Variants in SRFBP1 observed in about 807,000 individuals in gnomAD.
SRFBP1 encodes the protein serum response factor binding protein 1.
A neutral mutation model predicts 45.5 loss-of-function variants in SRFBP1; 47 were observed. That is an observed-to-expected ratio of 1.03 (90% confidence interval 0.82 to 1.32). The LOEUF (loss-of-function observed/expected upper bound fraction) is 1.32, where lower values mean the gene tolerates loss of function less well. Among genes scored for constraint, SRFBP1 ranks in the 40% most tolerant of loss-of-function variants. The pLI is 0.00. For missense variants in SRFBP1, 621 were observed against 484.6 expected (o/e 1.28, Z -2.64); for synonymous variants, 203 against 166.3 (o/e 1.22, Z -1.70).
chr5:121,974,208 A>G lies in SRFBP1; in HGVS notation c.49A>G (p.Arg17Gly). The G allele has an allele frequency of 6.2e-7, 1 of 1,610,726 alleles. No individual in the cohort carries two copies. The highest frequency in any genetic ancestry group is 1.1e-5 in the South Asian group (1 of 90,910). ...LNLNNEVVKM[R>G]KEVKRIRVLV... The stretch of plus-strand genomic sequence containing the variant: ...TTATTCTTCAAAGGTTGTGAAGATG[A>G]GAAAAGAAGTGAAGAGAATTCGAGT... The change falls in exon 2 of 8, where the codon AGA becomes GGA. Residue 17 changes from arginine (R) to glycine (G), a missense_variant. Transcript: ENST00000339397.
intron 4 of SRFBP1, among the ~76,000 whole-genome samples, chr5:122,001,812 C>T (rs1260549618): frequency 6.6e-6 from 1 of 151,974 alleles, no homozygotes; most frequent in Non-Finnish European, 1.5e-5. Flanking sequence ...CCACCCGCCT[C>T]GGCCTCCCAA....
chr5:122,057,693 T>G (rs1754107754), intron 2 of SRFBP1, among the ~76,000 whole-genome samples: 1 of 152,042 alleles, frequency 6.6e-6, no homozygotes, highest in African/African-American at 2.4e-5. Flanking sequence ...TGTTCATTAA[T>G]GGCTGCTAAA....
At chr5:122,071,289 C>T (rs1754444917) in intron 2 of SRFBP1, among the ~76,000 whole-genome samples, 1 of 152,004 alleles carries the variant, frequency 6.6e-6, no homozygotes, top group Non-Finnish European at 1.5e-5. Flanking sequence ...AAAACTAAGG[C>T]ACACTAAGAT....
intron 7 of SRFBP1, among the ~76,000 whole-genome samples, chr5:122,024,398 T>G (rs1339661488): frequency 6.6e-6 from 1 of 152,224 alleles, no homozygotes; most frequent in Admixed American, 6.5e-5. Flanking sequence ...AATTTTAGTA[T>G]TATTCATAGT....
intron 2 of SRFBP1, among the ~76,000 whole-genome samples, chr5:122,042,305 G>C (rs1203776656): frequency 2.0e-5 from 3 of 152,048 alleles, no homozygotes; most frequent in African/African-American, 7.2e-5. Context: ...GTCTCACTGT[G>C]TCACCCAGGT....
At chr5:122,026,913 T>G (rs1580534297) in intron 7 of SRFBP1, 29 bp from the exon 8 acceptor site, 1 of 1,523,538 alleles carries the variant, frequency 6.6e-7, no homozygotes, top group Middle Eastern at 1.7e-4. Context: ...AAGTATATAG[T>G]TATTATTATT....
chr5:122,062,864 ATG>A (rs546002952), intron 2 of SRFBP1, among the ~76,000 whole-genome samples: 2 of 151,646 alleles, frequency 1.3e-5, no homozygotes, highest in Non-Finnish European at 3.0e-5. Context: ...CTAGAATTAG[ATG>A]TGTGTGTGTG....
chr5:122,070,428 G>T, intron 2 of SRFBP1: 1 of 846,392 alleles, frequency 1.2e-6, no homozygotes, highest in South Asian at 1.5e-5. Flanking sequence ...TTTAACATTT[G>T]AATCCAGAGA....
intron 3 of SRFBP1, 104 bp from the exon 4 acceptor site, chr5:121,994,495 A>T: frequency 1.4e-6 from 1 of 706,592 alleles, no homozygotes; most frequent in Non-Finnish European, 2.4e-6. Flanking sequence ...TCTCAAAATT[A>T]AGATGTTATT....
At chr5:122,070,020 C>T (rs574685251) in intron 2 of SRFBP1, 1 of 1,444,734 alleles carries the variant, frequency 6.9e-7, no homozygotes, top group Admixed American at 1.7e-5. Context: ...TTATTTGTGA[C>T]AACAATTACT....
chr5:122,077,967 C>T, downstream of SRFBP1: 1 of 1,464,306 alleles, frequency 6.8e-7, no homozygotes, highest in Non-Finnish European at 9.0e-7. The surrounding 1 kb of genome is among the most constrained non-coding windows in gnomAD (Gnocchi z 4.9). Context: ...AGCAGGAGCA[C>T]GGTCCAGGCG....
At chr5:122,038,185 A>G (rs1394019527) in intron 2 of SRFBP1, among the ~76,000 whole-genome samples, 1 of 152,184 alleles carries the variant, frequency 6.6e-6, no homozygotes, top group Non-Finnish European at 1.5e-5. Context: ...AGAGTTTGGA[A>G]TTTTTTGTTA....
At chr5:121,986,604 C>T (rs1472681119) in intron 3 of SRFBP1, among the ~76,000 whole-genome samples, 1 of 151,988 alleles carries the variant, frequency 6.6e-6, no homozygotes, top group Non-Finnish European at 1.5e-5. Flanking sequence ...CTTTTTGACA[C>T]CCAAATTTAG....
intron 4 of SRFBP1, among the ~76,000 whole-genome samples, chr5:122,003,823 A>T (rs755181473): frequency 4.6e-5 from 7 of 152,104 alleles, no homozygotes; most frequent in Non-Finnish European, 8.8e-5. Flanking sequence ...GATATTGAAC[A>T]TTTTTTATAT....
At position 122,033,659 on chromosome 5, in the gene SRFBP1, G is replaced by A. The variant is rs987057074; in HGVS notation, n.311+11252G>A. Among the ~76,000 whole-genome samples the A allele has an allele frequency of 7.3e-5, 11 of 151,390 alleles. 1 individual carries two copies. The highest frequency in any genetic ancestry group is 1.2e-4 in the Non-Finnish European group (8 of 67,796). ...GTTTTAGTAGAGATGGCGTTTCACCGTGTTGGCCAGGCTGGTCTCGAAATC... is the reference window on the plus strand; with the variant it reads ...GTTTTAGTAGAGATGGCGTTTCACCATGTTGGCCAGGCTGGTCTCGAAATC... On this transcript the variant is annotated intron_variant and non_coding_transcript_variant, in intron 2 of 2. Coordinates refer to the SRFBP1 transcript ENST00000504881.
At chr5:122,015,136 A>G (rs913239456) in intron 4 of SRFBP1, among the ~76,000 whole-genome samples, 2 of 152,154 alleles carry the variant, frequency 1.3e-5, no homozygotes, top group Non-Finnish European at 2.9e-5. Flanking sequence ...CCTGAAGGGC[A>G]GTTTCTTGGG....
intron 3 of SRFBP1, among the ~76,000 whole-genome samples, chr5:121,981,258 T>C (rs1314906601): frequency 6.6e-6 from 1 of 152,012 alleles, no homozygotes; most frequent in Non-Finnish European, 1.5e-5. Flanking sequence ...CTGAAAAATG[T>C]AGCCAGTGAA....
chr5:122,076,652 G>A (rs1298134619), downstream of SRFBP1, among the ~76,000 whole-genome samples: 1 of 152,314 alleles, frequency 6.6e-6, no homozygotes, highest in Non-Finnish European at 1.5e-5. Flanking sequence ...TCAGTCTCCA[G>A]GATAAGGGTT....
At chr5:122,005,883 A>G (rs913927965) in intron 4 of SRFBP1, among the ~76,000 whole-genome samples, 2 of 152,190 alleles carry the variant, frequency 1.3e-5, no homozygotes, top group Non-Finnish European at 2.9e-5. Context: ...GTAGCTAACA[A>G]TATTTTAATA....
Sources: gnomAD v4.1 joint callset for allele counts (sites outside exome capture counted in the v4.1 genomes callset) on GRCh38, gnomAD v4.1.1 for gene constraint, Gnocchi (gnomAD v3.1) non-coding constraint, MANE v1.5 for transcripts, NCBI Gene and HGNC (gene_info 2026-07-23, HGNC 2026-07-21) for gene names.